Variants in MACROD2 observed in about 807,000 individuals in gnomAD.
MACROD2 encodes the protein mono-ADP ribosylhydrolase 2.
In MACROD2, 36 loss-of-function variants were observed where a neutral mutation model predicts 70.4. The observed-to-expected ratio is 0.51, with a 90% CI of 0.39 to 0.68. The LOEUF is 0.68. Ranked by LOEUF, MACROD2 falls within the 30% of genes least tolerant of loss-of-function variation. The probability of loss-of-function intolerance (pLI) is 0.00; values close to 1 mark genes in which losing one functional copy is unlikely to be tolerated. For synonymous variants in MACROD2, 172 were observed against 178.8 expected, an observed-to-expected ratio of 0.96 and a Z score of 0.30; for missense variants, 496 against 538.4, an observed-to-expected ratio of 0.92 and a Z score of 0.78.
At chr20:15,696,861 G>A (rs900420059) in intron 8 of MACROD2, among the ~76,000 whole-genome samples, 1 of 151,678 alleles carries the variant, frequency 6.6e-6, no homozygotes, top group African/African-American at 2.4e-5. Context: ...TAGTAGCCTC[G>A]AATAATCTTT....
intron 3 of MACROD2, among the ~76,000 whole-genome samples, chr20:14,138,620 G>T (rs2054830493): frequency 1.3e-5 from 2 of 152,086 alleles, no homozygotes; most frequent in Non-Finnish European, 2.9e-5. Flanking sequence ...CCGGTGGCTG[G>T]GTGGGGGGAA....
At chr20:14,455,008 T>G (rs1036924125) in intron 3 of MACROD2, among the ~76,000 whole-genome samples, 1 of 151,756 alleles carries the variant, frequency 6.6e-6, no homozygotes, top group Admixed American at 6.6e-5. Context: ...TGCCTTGGCC[T>G]CCCAATCTGT....
chr20:15,794,157 T>C (rs2063651679), intron 8 of MACROD2, among the ~76,000 whole-genome samples: 1 of 152,074 alleles, frequency 6.6e-6, no homozygotes, highest in African/African-American at 2.4e-5. Flanking sequence ...ATTGCATTTC[T>C]GGGTTTGAAC....
At chr20:15,919,989 G>T (rs938014094) in intron 10 of MACROD2, among the ~76,000 whole-genome samples, 3 of 152,152 alleles carry the variant, frequency 2.0e-5, no homozygotes, top group African/African-American at 7.2e-5. Context: ...GCTCCATACA[G>T]TAATTATAGA....
At chr20:14,643,842 T>C (rs145380213) in intron 4 of MACROD2, among the ~76,000 whole-genome samples, 12 of 152,246 alleles carry the variant, frequency 7.9e-5, no homozygotes, top group African/African-American at 2.9e-4. Context: ...TAAAGATTTG[T>C]TGAATGAATG....
At chr20:14,249,128 G>GTCTTTTTTTTTT (rs1555773444) in intron 3 of MACROD2, among the ~76,000 whole-genome samples, 1 of 103,078 alleles carries the variant, frequency 9.7e-6, no homozygotes, top group African/African-American at 4.1e-5. Context: ...GATTTCAAAG[G>GTCTTTTTTTTTT]TTTTTTTTTT....
Position 15,764,475 on chromosome 20 carries a change from G to A in MACROD2, c.646-98270G>A, listed in dbSNP as rs117786844. On this transcript the variant is annotated intron_variant, in intron 8 of 17. Transcript: ENST00000684519. ...CCTTCCACCAAACCTGTTTTGCCCA[G>A]CCTTTCCCGCCATCATAAATGGCCT... Among the ~76,000 whole-genome samples, 588 of 152,180 alleles carry A rather than the reference G, an allele frequency of 3.9e-3. 2 individuals are homozygous for A. The highest frequency in any genetic ancestry group is 0.01 in the East Asian group (52 of 5,172).
intron 3 of MACROD2, among the ~76,000 whole-genome samples, chr20:14,184,256 A>G (rs2081327198): frequency 1.3e-5 from 2 of 152,176 alleles, no homozygotes; most frequent in African/African-American, 4.8e-5. Flanking sequence ...ATGGCTAGCC[A>G]GTTATCCCAG....
chr20:14,668,874 A>G (rs1246507105), intron 4 of MACROD2, among the ~76,000 whole-genome samples: 2 of 152,160 alleles, frequency 1.3e-5, no homozygotes, highest in Non-Finnish European at 2.9e-5. Context: ...AAATTTCATC[A>G]ACATTATGAA....
intron 6 of MACROD2, among the ~76,000 whole-genome samples, chr20:15,304,296 T>C (rs948066663): frequency 2.0e-5 from 3 of 152,190 alleles, no homozygotes; most frequent in Non-Finnish European, 4.4e-5. Flanking sequence ...ATGGTGGCCA[T>C]GGGACTGGTC....
At chr20:14,875,255 C>T (rs1360056345) in intron 5 of MACROD2, among the ~76,000 whole-genome samples, 1 of 151,892 alleles carries the variant, frequency 6.6e-6, no homozygotes, top group Non-Finnish European at 1.5e-5. Flanking sequence ...GTGGCACGTG[C>T]CTGTAGTTCC....
chr20:14,371,888 T>C (rs953826601), intron 3 of MACROD2, among the ~76,000 whole-genome samples: 3 of 151,986 alleles, frequency 2.0e-5, no homozygotes, highest in African/African-American at 4.8e-5. Context: ...CAGGCATCAA[T>C]TACTCGAGGG....
chr20:14,049,821 C>T (rs560581956), intron 2 of MACROD2, among the ~76,000 whole-genome samples: 2 of 151,898 alleles, frequency 1.3e-5, no homozygotes, highest in South Asian at 2.1e-4. Flanking sequence ...CGGTGGCTCA[C>T]GCCTGTAATC....
chr20:15,676,582 C>G (rs1324565368), intron 8 of MACROD2, among the ~76,000 whole-genome samples: 1 of 152,160 alleles, frequency 6.6e-6, no homozygotes, highest in East Asian at 1.9e-4. Flanking sequence ...AACCAGAACT[C>G]TTGTTACATT....
At chr20:14,024,981 A>G (rs191813479) in intron 2 of MACROD2, among the ~76,000 whole-genome samples, 48 of 152,026 alleles carry the variant, frequency 3.2e-4, no homozygotes, top group Middle Eastern at 6.8e-3. Context: ...GTAGAATTCA[A>G]TTGTTAATTG....
intron 3 of MACROD2, among the ~76,000 whole-genome samples, chr20:14,178,666 A>G (rs1180532879): frequency 1.3e-5 from 2 of 151,612 alleles, no homozygotes; most frequent in Non-Finnish European, 2.9e-5. Context: ...TTTGACTCTT[A>G]GAATCATAGT....
intron 15 of MACROD2, among the ~76,000 whole-genome samples, chr20:15,998,343 T>A (rs1021279825): frequency 2.0e-5 from 3 of 152,178 alleles, no homozygotes; most frequent in Admixed American, 2.0e-4. Context: ...TCGATTACTA[T>A]TTTGATCTCT....
intron 5 of MACROD2, among the ~76,000 whole-genome samples, chr20:14,767,338 T>C (rs2123763571): frequency 6.6e-6 from 1 of 152,200 alleles, no homozygotes; most frequent in East Asian, 1.9e-4. Flanking sequence ...TGTTTTTTGT[T>C]TTTTAAGGAA....
At chr20:14,905,019 T>G (rs1362215385) in intron 5 of MACROD2, 1 of 152,170 alleles carries the variant, frequency 6.6e-6, no homozygotes, top group Non-Finnish European at 1.5e-5. Flanking sequence ...GTACAAGCTC[T>G]GAGTGATGGT....
Sources: gnomAD v4.1 joint callset for allele counts (sites outside exome capture counted in the v4.1 genomes callset) on GRCh38, gnomAD v4.1.1 for gene constraint, MANE v1.5 for transcripts, NCBI Gene and HGNC (gene_info 2026-07-23, HGNC 2026-07-21) for gene names.